The following XKR6 variants were observed in gnomAD, a reference collection of about 807,000 sequenced individuals.
XKR6 encodes the protein XK-related protein 6.
In XKR6, 22 loss-of-function variants were observed where a neutral mutation model predicts 56.7. That is an observed-to-expected ratio of 0.39 (90% CI 0.28 to 0.55). The LOEUF is 0.55. Ranked by LOEUF, XKR6 falls within the 20% of genes least tolerant of loss-of-function variation. The pLI, the probability that XKR6 is intolerant of heterozygous loss-of-function variation, is 0.66. For synonymous variants in XKR6, 524 were observed against 387.8 expected, an observed-to-expected ratio of 1.35 and a Z score of -4.13; for missense variants, 852 against 889.0, an observed-to-expected ratio of 0.96 and a Z score of 0.53.
intron 1 of XKR6, among the ~76,000 whole-genome samples, chr8:11,002,094 C>A (rs1798254745): frequency 6.6e-6 from 1 of 151,724 alleles, no homozygotes; most frequent in Non-Finnish European, 1.5e-5. Flanking sequence ...CACAAAAAAC[C>A]TCCTTCCAGG....
intron 1 of XKR6, among the ~76,000 whole-genome samples, chr8:11,171,662 A>T (rs1303481301): frequency 6.6e-6 from 1 of 152,192 alleles, no homozygotes; most frequent in Non-Finnish European, 1.5e-5. Context: ...CATGAGTGGA[A>T]GCAGCCTGAG....
At chr8:11,020,645 T>C (rs778479004) in intron 1 of XKR6, among the ~76,000 whole-genome samples, 8 of 152,224 alleles carry the variant, frequency 5.3e-5, no homozygotes, top group Non-Finnish European at 1.2e-4. Context: ...CCTCCTTTGG[T>C]CCTCAAAATC....
At chr8:10,935,378 G>GT (rs1254043397) in intron 1 of XKR6, among the ~76,000 whole-genome samples, 7 of 125,528 alleles carry the variant, frequency 5.6e-5, no homozygotes, top group African/African-American at 1.0e-4. Context: ...TTTTTGAAGG[G>GT]TTTTTTGTGT....
At chr8:11,141,867 G>C (rs1389936665) in intron 1 of XKR6, among the ~76,000 whole-genome samples, 5 of 152,114 alleles carry the variant, frequency 3.3e-5, no homozygotes, top group African/African-American at 1.2e-4. Context: ...GGAGTAGGGA[G>C]CGGGGAGTGA....
At chr8:11,032,053 C>T (rs1239235721) in intron 1 of XKR6, among the ~76,000 whole-genome samples, 3 of 152,204 alleles carry the variant, frequency 2.0e-5, no homozygotes. Context: ...CAGGGCTCCC[C>T]CGTGGGGCAG....
At chr8:11,006,726 T>G (rs1290931848) in intron 1 of XKR6, among the ~76,000 whole-genome samples, 1 of 152,046 alleles carries the variant, frequency 6.6e-6, no homozygotes, top group Non-Finnish European at 1.5e-5. Context: ...CAAACAGAAT[T>G]TGTAGGATTT....
At chr8:11,195,059 G>T (rs1803798100) in intron 1 of XKR6, 1 of 688,100 alleles carries the variant, frequency 1.5e-6, no homozygotes, top group South Asian at 1.5e-5. Context: ...TCTCCTGGAG[G>T]AAGTATCTCT....
intron 1 of XKR6, among the ~76,000 whole-genome samples, chr8:11,155,213 A>AC (rs1801460306): frequency 6.6e-6 from 1 of 152,208 alleles, no homozygotes; most frequent in Non-Finnish European, 1.5e-5. Flanking sequence ...CCAAAGCCTT[A>AC]CTGTCTTGCT....
intron 1 of XKR6, among the ~76,000 whole-genome samples, chr8:10,970,867 G>A (rs1456624641): frequency 6.7e-6 from 1 of 149,178 alleles, no homozygotes; most frequent in Non-Finnish European, 1.5e-5. Context: ...TGTTTTTTCT[G>A]CCTTTGATAT....
chr8:11,105,871 C>T (rs1798656517), intron 1 of XKR6: 3 of 152,218 alleles, frequency 2.0e-5, no homozygotes, highest in African/African-American at 7.2e-5. Context: ...CATATACAAG[C>T]AGCTTCTGCG....
At chr8:10,938,170 G>A (rs553139067) in intron 1 of XKR6, among the ~76,000 whole-genome samples, 1 of 152,300 alleles carries the variant, frequency 6.6e-6, no homozygotes, top group South Asian at 2.1e-4. Context: ...TTTTGCAGGT[G>A]CGTCTGTCAC....
chr8:10,953,572 C>T (rs4623373), intron 1 of XKR6, among the ~76,000 whole-genome samples: 13,031 of 152,262 alleles, frequency 0.086, 607 homozygotes, highest in Middle Eastern at 0.14. Flanking sequence ...GGGGTCTTGC[C>T]ATGTTGCCCA....
At chr8:11,174,470 T>G (rs1802554544) in intron 1 of XKR6, among the ~76,000 whole-genome samples, 1 of 152,204 alleles carries the variant, frequency 6.6e-6, no homozygotes, top group Non-Finnish European at 1.5e-5. Context: ...ACTCCAACAC[T>G]GGGAGCTGCC....
At chr8:10,911,550 T>C (rs4496928) in intron 2 of XKR6, among the ~76,000 whole-genome samples, 1 of 145,940 alleles carries the variant, frequency 6.9e-6, no homozygotes, top group African/African-American at 2.5e-5. Flanking sequence ...TATATATATA[T>C]AGAGAGAATA....
intron 1 of XKR6, among the ~76,000 whole-genome samples, chr8:11,004,306 T>C (rs1435906134): frequency 2.0e-5 from 3 of 152,038 alleles, no homozygotes; most frequent in Non-Finnish European, 4.4e-5. Flanking sequence ...ACCTCATCTC[T>C]ACTAAAAATA....
chr8:11,131,984 A>T (rs1800124779), intron 1 of XKR6, among the ~76,000 whole-genome samples: 1 of 152,112 alleles, frequency 6.6e-6, no homozygotes, highest in Admixed American at 6.5e-5. Context: ...ATGACTGTGT[A>T]TGTTTTTCCC....
chr8:10,981,909 A>T (rs1264788340), intron 1 of XKR6, among the ~76,000 whole-genome samples: 2 of 152,246 alleles, frequency 1.3e-5, no homozygotes, highest in African/African-American at 4.8e-5. Flanking sequence ...TCCAAAGGCT[A>T]ATTGTTTAGG....
intron 2 of XKR6, 115 bp from the exon 3 acceptor site, chr8:10,899,031 G>C: frequency 1.4e-6 from 2 of 1,446,860 alleles, no homozygotes; most frequent in Non-Finnish European, 1.8e-6. Flanking sequence ...GGAGGAGGGA[G>C]AAAGAAACAC....
chr8:11,093,447 G>C (rs1486187449), intron 1 of XKR6, among the ~76,000 whole-genome samples: 1 of 152,184 alleles, frequency 6.6e-6, no homozygotes, highest in Non-Finnish European at 1.5e-5. Flanking sequence ...AAACTTTTCT[G>C]CGAGCAGTTC....
Sources: allele counts gnomAD v4.1 joint callset (sites outside exome capture counted in the v4.1 genomes callset), GRCh38; gene constraint gnomAD v4.1.1; transcripts MANE v1.5; gene names NCBI Gene and HGNC (gene_info 2026-07-23, HGNC 2026-07-21).